CPED1: variants seen among roughly 807,000 people sequenced by gnomAD.
CPED1 encodes cadherin-like and PC-esterase domain-containing protein 1.
A neutral mutation model predicts 128.2 loss-of-function variants in CPED1; 114 were observed. That is an observed-to-expected ratio of 0.89 (90% CI 0.76 to 1.04). The LOEUF is 1.04. CPED1 is among the 50% of genes least tolerant of loss of function. The probability of loss-of-function intolerance (pLI) is 0.00; values close to 1 mark genes in which losing one functional copy is unlikely to be tolerated. For synonymous variants in CPED1, 462 were observed against 426.7 expected, an observed-to-expected ratio of 1.08 and a Z score of -1.02; for missense variants, 1,211 against 1,207.1, an observed-to-expected ratio of 1.00 and a Z score of -0.05.
chr7:121,082,775 T>C (rs1022550798), intron 5 of CPED1, among the ~76,000 whole-genome samples: 4 of 152,194 alleles, frequency 2.6e-5, no homozygotes, highest in Non-Finnish European at 5.9e-5. Flanking sequence ...AACTTTGTGA[T>C]AAACTTGAAC....
At chr7:121,125,707 A>G in intron 8 of CPED1, 113 bp from the exon 9 acceptor site, 1 of 709,114 alleles carries the variant, frequency 1.4e-6, no homozygotes, top group Non-Finnish European at 2.5e-6. Context: ...TATCCAGTCT[A>G]TCATTAATGG....
At chr7:121,048,664 A>T (rs1793275235) in intron 4 of CPED1, among the ~76,000 whole-genome samples, 1 of 152,062 alleles carries the variant, frequency 6.6e-6, no homozygotes, top group East Asian at 1.9e-4. Context: ...CTCAGCCACC[A>T]AGTAGCTGGG....
intron 16 of CPED1, among the ~76,000 whole-genome samples, chr7:121,150,288 G>A (rs897641580): frequency 2.0e-5 from 3 of 151,518 alleles, no homozygotes; most frequent in Non-Finnish European, 4.4e-5. Flanking sequence ...ACTTATAAGT[G>A]AGAATATGTG....
At chr7:121,244,427 T>C in intron 18 of CPED1, 89 bp downstream of exon 18, 1 of 1,395,566 alleles carries the variant, frequency 7.2e-7, no homozygotes, top group Non-Finnish European at 1.0e-6. Flanking sequence ...GACCAATTCC[T>C]GCTGTCTCAC....
chr7:121,020,995 C>T (rs1029622847), intron 3 of CPED1, among the ~76,000 whole-genome samples: 1 of 151,894 alleles, frequency 6.6e-6, no homozygotes, highest in Non-Finnish European at 1.5e-5. Context: ...TATAACATTA[C>T]AGCATGATAT....
chr7:121,037,197 T>G (rs1030211463), intron 3 of CPED1, among the ~76,000 whole-genome samples: 1 of 152,160 alleles, frequency 6.6e-6, no homozygotes, highest in Non-Finnish European at 1.5e-5. Flanking sequence ...GGGTTTTTGG[T>G]CATGAAGTCT....
chr7:121,148,291 A>AG (rs199500918), intron 16 of CPED1, among the ~76,000 whole-genome samples: 1 of 151,766 alleles, frequency 6.6e-6, no homozygotes, highest in Admixed American at 6.6e-5. Flanking sequence ...ATAGGGGAAT[A>AG]CAAATAGCAG....
chr7:121,246,344 C>T (rs148042483), intron 18 of CPED1, among the ~76,000 whole-genome samples: 368 of 152,290 alleles, frequency 2.4e-3, no homozygotes, highest in African/African-American at 8.2e-3. Flanking sequence ...TGTCTTAGCT[C>T]GAGCTGCTAT....
intron 4 of CPED1, among the ~76,000 whole-genome samples, chr7:121,047,713 TTC>T (rs376572305): frequency 7.2e-5 from 5 of 69,670 alleles, no homozygotes; most frequent in Non-Finnish European, 1.4e-4. Context: ...CTTCTTCTTC[TTC>T]TTTTTTTTTT....
At chr7:121,284,936 CTG>C (rs536256368) in intron 22 of CPED1, among the ~76,000 whole-genome samples, 34 of 152,330 alleles carry the variant, frequency 2.2e-4, no homozygotes, top group African/African-American at 7.7e-4. Flanking sequence ...AGTGGGGTCA[CTG>C]TGTGGGGGCT....
intron 16 of CPED1, among the ~76,000 whole-genome samples, chr7:121,157,679 T>G (rs1385142838): frequency 6.6e-6 from 1 of 152,126 alleles, no homozygotes; most frequent in Non-Finnish European, 1.5e-5. Context: ...GTCAATGAAC[T>G]TTGCCAGCAG....
intron 16 of CPED1, among the ~76,000 whole-genome samples, chr7:121,198,650 G>A (rs187306145): frequency 4.1e-4 from 62 of 152,060 alleles, no homozygotes; most frequent in Admixed American, 1.5e-3. Flanking sequence ...AATTCACTAC[G>A]CCAGAGCCTT....
Position 121,074,174 on chromosome 7 carries a change from G to A in CPED1, c.616+9861G>A, listed in dbSNP as rs192316878. Among the ~76,000 whole-genome samples the A allele has an allele frequency of 3.3e-5, 5 of 152,198 alleles. No homozygotes were observed. The East Asian group carries it at 9.6e-4, about 29-fold the overall frequency. On this transcript the variant is annotated intron_variant, in intron 5 of 22. Transcript: ENST00000310396. The stretch of plus-strand genomic sequence containing the variant: ...ACCACTTTGATGCCTTCAAAGTGTA[G>A]AGCTCATGGGGTTCTGTGTGATCAG...
chr7:121,004,721 C>T (rs1791960389), intron 2 of CPED1, among the ~76,000 whole-genome samples: 1 of 151,734 alleles, frequency 6.6e-6, no homozygotes, highest in African/African-American at 2.4e-5. Context: ...CTAGGGGAAC[C>T]CTTGGAAGAC....
chr7:121,227,888 T>TC (rs1798052332), intron 16 of CPED1, among the ~76,000 whole-genome samples: 2 of 152,090 alleles, frequency 1.3e-5, no homozygotes, highest in Non-Finnish European at 2.9e-5. Flanking sequence ...AGGTTAGAAC[T>TC]CCAAGTAGCA....
At chr7:121,088,763 C>CAATAAAAAAAAAAA (rs1794502892) in intron 5 of CPED1, among the ~76,000 whole-genome samples, 1 of 53,794 alleles carries the variant, frequency 1.9e-5, no homozygotes, top group Non-Finnish European at 3.4e-5. Flanking sequence ...CAAAAATTGG[C>CAATAAAAAAAAAAA]AAAAAAAAAA....
chr7:121,099,806 A>G, intron 6 of CPED1, 120 bp from the exon 7 acceptor site: 1 of 993,120 alleles, frequency 1.0e-6, no homozygotes, highest in Non-Finnish European at 1.5e-6. Context: ...GGAAACCCAC[A>G]CACTGAGGGC....
intron 2 of CPED1, among the ~76,000 whole-genome samples, chr7:121,013,097 G>A (rs911439302): frequency 6.6e-6 from 1 of 152,132 alleles, no homozygotes. Context: ...GAGTGACACC[G>A]ATATATTGGG....
chr7:121,188,238 A>G (rs573491652), intron 16 of CPED1, among the ~76,000 whole-genome samples: 5 of 152,270 alleles, frequency 3.3e-5, no homozygotes, highest in African/African-American at 1.2e-4. Context: ...ATATGTTGAT[A>G]ATTGTTGAAT....
Sources: gnomAD v4.1 joint callset for allele counts (sites outside exome capture counted in the v4.1 genomes callset) on GRCh38, gnomAD v4.1.1 for gene constraint, MANE v1.5 for transcripts, NCBI Gene and HGNC (gene_info 2026-07-23, HGNC 2026-07-21) for gene names.